GJC1: variants seen among roughly 807,000 people sequenced by gnomAD.
The protein encoded by GJC1 is gap junction protein gamma 1, also known as gap junction gamma-1 protein.
In GJC1, 5 loss-of-function variants were observed where a neutral mutation model predicts 29.3. The observed-to-expected ratio is 0.17, with a 90% CI of 0.09 to 0.36. The LOEUF is 0.36. Ranked by LOEUF, GJC1 falls within the 10% of genes least tolerant of loss-of-function variation. GJC1 has a pLI of 1.00. For synonymous variants in GJC1, 177 were observed against 183.3 expected, an observed-to-expected ratio of 0.97 and a Z score of 0.28; for missense variants, 310 against 496.2, an observed-to-expected ratio of 0.62 and a Z score of 3.56.
downstream of GJC1, among the ~76,000 whole-genome samples, chr17:44,797,377 T>G (rs2049790462): frequency 6.6e-6 from 1 of 152,166 alleles, no homozygotes; most frequent in East Asian, 1.9e-4. Flanking sequence ...ATCTGTATGT[T>G]AATAGCATTC....
chr17:44,813,191 C>T (rs1297523222), intron 1 of GJC1: 1 of 151,828 alleles, frequency 6.6e-6, no homozygotes, highest in Admixed American at 6.6e-5. Flanking sequence ...GCCTTAGCCT[C>T]CCGAGTAGCT....
chr17:44,810,960 G>A lies in GJC1; in HGVS notation c.-96-3491C>T, dbSNP rs1597746802. On this transcript the variant is annotated intron_variant, in intron 1 of 2. Coordinates refer to ENST00000592524, the MANE Select transcript of GJC1 (RefSeq NM_005497.4). ...GCCTGGCTAATTTCTGTATAGATGA[G>A]GTTTCGTCATATTGCCCAGGCTGGT... Among the ~76,000 whole-genome samples the A allele has an allele frequency of 2.0e-5, 3 of 152,064 alleles. No homozygotes were observed. The East Asian group carries it at 5.8e-4, about 29-fold the overall frequency.
intron 1 of GJC1, among the ~76,000 whole-genome samples, chr17:44,819,706 A>G (rs1597755854): frequency 6.8e-6 from 1 of 147,468 alleles, no homozygotes; most frequent in African/African-American, 2.5e-5. Context: ...AAATAAATAA[A>G]AAGAATTTCC....
downstream of GJC1, among the ~76,000 whole-genome samples, chr17:44,797,115 AT>A (rs529272163): frequency 0.025 from 3,809 of 151,630 alleles, 176 homozygotes; most frequent in African/African-American, 0.086. Flanking sequence ...TTTAATTATT[AT>A]TTTTTTTGAG....
At chr17:44,807,754 G>A (rs2049928121) in intron 1 of GJC1, 1 of 152,164 alleles carries the variant, frequency 6.6e-6, no homozygotes, top group Non-Finnish European at 1.5e-5. Context: ...GATGAACTCT[G>A]GCACCTATAG....
At chr17:44,822,609 C>G (rs1269851870) in intron 1 of GJC1, among the ~76,000 whole-genome samples, 1 of 145,558 alleles carries the variant, frequency 6.9e-6, no homozygotes, top group Non-Finnish European at 1.5e-5. Context: ...TGCCATTGCA[C>G]TCCCGCCTGA....
At chr17:44,822,343 ATCTAAAATAT>A (rs1174819344) in intron 1 of GJC1, among the ~76,000 whole-genome samples, 3 of 151,706 alleles carry the variant, frequency 2.0e-5, no homozygotes, top group Non-Finnish European at 4.4e-5. Flanking sequence ...AATAAAAACA[ATCTAAAATAT>A]TCTAAAATTA....
At chr17:44,820,768 G>C (rs2050097302) in intron 1 of GJC1, among the ~76,000 whole-genome samples, 1 of 152,128 alleles carries the variant, frequency 6.6e-6, no homozygotes, top group South Asian at 2.1e-4. Context: ...GCAGAGACCA[G>C]GAATCAATTA....
At chr17:44,830,520 G>A, upstream of GJC1, 1 of 396,938 alleles carries the variant, frequency 2.5e-6, no homozygotes, top group Non-Finnish European at 4.4e-6. The surrounding 1 kb of genome is among the most constrained non-coding windows in gnomAD (Gnocchi z 4.3). Flanking sequence ...ACCCCGGGTG[G>A]GCGCAGACTT....
intron 2 of GJC1, among the ~76,000 whole-genome samples, chr17:44,806,685 G>A (rs1186399414): frequency 6.6e-6 from 1 of 151,942 alleles, no homozygotes; most frequent in East Asian, 1.9e-4. Flanking sequence ...CACCATGCCT[G>A]GCCAGACCTA....
intron 1 of GJC1, among the ~76,000 whole-genome samples, chr17:44,816,040 G>T (rs2050038733): frequency 6.7e-6 from 1 of 148,446 alleles, no homozygotes; most frequent in South Asian, 2.1e-4. Flanking sequence ...GTGAACCCGG[G>T]AGGCGGAGCT....
chr17:44,805,680 A>G lies in GJC1; in HGVS notation c.138T>C (p.Asp46=). The change falls in exon 3 of 3, where the codon GAT becomes GAC. Residue 46 remains aspartate, a synonymous_variant. Transcript: ENST00000592524. The surrounding 1 kb of genome is among the most constrained non-coding windows in gnomAD (Gnocchi z 5.1). ...TAVGGESIYY[D]EQSKFVCNTE... is the part of the protein sequence containing the mutation. ...TGTTGCACACAAATTTGCTTTGCTC[A>G]TCGTAATAGATGGATTCTCCTCCTA... 2 of 1,614,140 alleles carry G rather than the reference A, an allele frequency of 1.2e-6. No homozygotes were observed. Among genetic ancestry groups the G allele is most frequent in the South Asian group, 1.1e-5 (1 of 91,082 alleles).
At chr17:44,807,626 TCTC>T (rs1270512728) in intron 1 of GJC1, 157 bp from the exon 2 acceptor site, 1 of 152,112 alleles carries the variant, frequency 6.6e-6, no homozygotes, top group African/African-American at 2.4e-5. Flanking sequence ...ATACCAGTCT[TCTC>T]CTCCCCATAC....
At position 44,830,118 on chromosome 17, in the gene GJC1, G is replaced by C. The variant is rs1029595706; in HGVS notation, c.-153C>G. The C allele has an allele frequency of 2.6e-5, 4 of 152,918 alleles. No individual in the cohort carries two copies. Among genetic ancestry groups the C allele is most frequent in the Non-Finnish European group, 5.9e-5 (4 of 68,158 alleles). 9.5% of individuals were successfully genotyped at this position (152,918 alleles called of 1,614,324 possible). On this transcript the variant is annotated 5_prime_UTR_variant, in exon 1 of 3. Transcript: ENST00000592524. This position sits in a 1 kb window ranked among gnomAD's most constrained non-coding sequence, Gnocchi z 4.3. ...CCGCCGGGCCTCGGCCCGTCCCGCCGGTCGCGGCCTCATGTGCCCCGCGTC... is the reference window on the plus strand; with the variant it reads ...CCGCCGGGCCTCGGCCCGTCCCGCCCGTCGCGGCCTCATGTGCCCCGCGTC...
chr17:44,795,923 T>C (rs1236531030), downstream of GJC1, among the ~76,000 whole-genome samples: 1 of 152,222 alleles, frequency 6.6e-6, no homozygotes. Flanking sequence ...CAAGGTTTTA[T>C]TGAGTGGAAG....
chr17:44,813,988 C>A (rs1471627514), intron 1 of GJC1, among the ~76,000 whole-genome samples: 2 of 152,082 alleles, frequency 1.3e-5, no homozygotes, highest in Admixed American at 1.3e-4. Context: ...GTACAATACT[C>A]CTCCAGAGAA....
chr17:44,816,925 T>C (rs2050050103), intron 1 of GJC1, among the ~76,000 whole-genome samples: 1 of 152,148 alleles, frequency 6.6e-6, no homozygotes, highest in African/African-American at 2.4e-5. Context: ...ATTTATAATT[T>C]GCCTGCCAGG....
rs141457584 is a variant in GJC1 at position 44,822,542 on chromosome 17, C to A, written c.-97+7520G>T. 2.5e-3 allele frequency among the ~76,000 whole-genome samples: 368 copies of A among 149,252 alleles called. 1 individual carries two copies. The highest frequency in any genetic ancestry group is 8.3e-3 in the African/African-American group (338 of 40,642). On this transcript the variant is annotated intron_variant, in intron 1 of 2. Transcript: ENST00000592524. ...CCTGTAATCTCAGCTACTCGGGAGG[C>A]TGAGGCAGGAGAATCGCCTGAAACC... is the stretch of plus-strand genomic sequence containing the variant.
intron 1 of GJC1, among the ~76,000 whole-genome samples, chr17:44,821,270 G>C (rs567216409): frequency 4.7e-4 from 71 of 152,290 alleles, no homozygotes; most frequent in Middle Eastern, 3.4e-3. Context: ...GTCCAAAACA[G>C]CCTAAGATTA....
Sources: allele counts gnomAD v4.1 joint callset (sites outside exome capture counted in the v4.1 genomes callset), GRCh38; gene constraint gnomAD v4.1.1; non-coding constraint Gnocchi (gnomAD v3.1); transcripts MANE v1.5; gene names NCBI Gene and HGNC (gene_info 2026-07-23, HGNC 2026-07-21).